The following FKBP9 variants were observed in gnomAD, a reference collection of about 807,000 sequenced individuals.
The protein encoded by FKBP9 is peptidyl-prolyl cis-trans isomerase FKBP9.
A neutral mutation model predicts 55.6 loss-of-function variants in FKBP9; 27 were observed. The observed-to-expected ratio is 0.49, with a 90% CI of 0.36 to 0.67. FKBP9 has a LOEUF of 0.67. Ranked by LOEUF, FKBP9 falls within the 30% of genes least tolerant of loss-of-function variation. The pLI is 0.00. For missense variants in FKBP9, 539 were observed against 742.8 expected (o/e 0.73, Z 3.19); for synonymous variants, 267 against 296.5 (o/e 0.90, Z 1.02).
intron 4 of FKBP9, among the ~76,000 whole-genome samples, chr7:32,978,275 C>T (rs6975093): frequency 0.92 from 138,688 of 151,546 alleles, 63,564 homozygotes; most frequent in Admixed American, 0.95. Flanking sequence ...TTAAACAGAG[C>T]ATTAGGGGTG....
Position 33,000,157 on chromosome 7 carries a change from G to T in FKBP9, c.1269G>T (p.Gly423=). The part of the protein sequence containing the change: ...GKTYNIVLGS[G]QVVLGMDMGL... ...CTTACAATATTGTTCTGGGATCTGG[G>T]CAAGTTGTGTTGGGGATGGACATGG... is the stretch of plus-strand genomic sequence containing the variant. Residue 423 remains glycine (G), a synonymous_variant, in exon 8 of 10, where the codon GGG becomes GGT. Transcript: ENST00000242209. 1 of 1,614,042 alleles carries T rather than the reference G, an allele frequency of 6.2e-7. No homozygotes were observed. Among genetic ancestry groups the T allele is most frequent in the South Asian group, 1.1e-5 (1 of 91,076 alleles).
At chr7:32,964,836 C>T (rs904472867) in intron 1 of FKBP9, among the ~76,000 whole-genome samples, 3 of 152,192 alleles carry the variant, frequency 2.0e-5, no homozygotes, top group South Asian at 2.1e-4. Flanking sequence ...CTCTGCCTCC[C>T]TGCTTTCAAG....
Position 32,958,137 on chromosome 7 carries a change from C to G in FKBP9, c.221+343C>G, listed in dbSNP as rs13437980. Among the ~76,000 whole-genome samples the G allele has an allele frequency of 1.4e-4, 21 of 152,158 alleles. No homozygotes were observed. The South Asian group carries it at 3.9e-3, about 29-fold the overall frequency. ...GAGGCCACGTTGCACAACTGGACCCCCAAGAGTGGATGTTCGTGCCTGCCT... is the reference window on the plus strand; with the variant it reads ...GAGGCCACGTTGCACAACTGGACCCGCAAGAGTGGATGTTCGTGCCTGCCT... On this transcript the variant is annotated intron_variant, in intron 1 of 9. Transcript: ENST00000242209.
Position 33,006,432 on chromosome 7 carries a change from C to T in FKBP9, c.*1081C>T, listed in dbSNP as rs1127607. On this transcript the variant is annotated 3_prime_UTR_variant, in exon 10 of 10. Coordinates refer to ENST00000242209, the MANE Select transcript of FKBP9 (RefSeq NM_007270.5). ...CCCAGCCACTTAGTTTTTTCTTATT[C>T]CCACCTTTCTATCCCATAGAACACT... 0.18 allele frequency: 36,421 copies of T among 203,856 alleles called. 3,944 individuals are homozygous for T. Among genetic ancestry groups the T allele is most frequent in the African/African-American group, 0.3 (12,939 of 43,658 alleles). 12.6% of individuals were successfully genotyped at this position (203,856 alleles called of 1,614,324 possible).
chr7:32,999,625 T>C (rs1344883519), intron 7 of FKBP9, among the ~76,000 whole-genome samples: 1 of 152,216 alleles, frequency 6.6e-6, no homozygotes, highest in East Asian at 1.9e-4. Flanking sequence ...GAGATAGCTA[T>C]ATTTGTTGTC....
chr7:32,993,847 T>C (rs764319410), intron 6 of FKBP9, among the ~76,000 whole-genome samples: 14 of 152,120 alleles, frequency 9.2e-5, no homozygotes, highest in Non-Finnish European at 1.6e-4. Flanking sequence ...TTCTGGCTAA[T>C]AAATTTCATT....
chr7:32,988,168 A>T (rs1202820842), intron 5 of FKBP9, among the ~76,000 whole-genome samples: 1 of 152,196 alleles, frequency 6.6e-6, no homozygotes, highest in Non-Finnish European at 1.5e-5. Context: ...TGGGTGACAG[A>T]GTGAGACCTT....
intron 1 of FKBP9, among the ~76,000 whole-genome samples, chr7:32,970,036 G>GT (rs537430761): frequency 2.0e-3 from 287 of 146,700 alleles, no homozygotes; most frequent in East Asian, 4.6e-3. Context: ...TTTTAGTTTA[G>GT]TTTTTTTTTT....
chr7:32,962,130 C>A (rs1784037830), intron 1 of FKBP9, among the ~76,000 whole-genome samples: 1 of 152,106 alleles, frequency 6.6e-6, no homozygotes, highest in South Asian at 2.1e-4. Context: ...GGCACGGTGG[C>A]TCATGCCTGT....
chr7:32,987,622 G>A (rs1462242867), intron 5 of FKBP9, among the ~76,000 whole-genome samples: 1 of 152,104 alleles, frequency 6.6e-6, no homozygotes, highest in African/African-American at 2.4e-5. Context: ...TTTCTGATAA[G>A]GGCTACGTTC....
chr7:32,997,402 G>T (rs1453046427), intron 7 of FKBP9, among the ~76,000 whole-genome samples: 1 of 135,600 alleles, frequency 7.4e-6, no homozygotes, highest in Non-Finnish European at 1.6e-5. Flanking sequence ...TTTTAGAGAT[G>T]GGGGGGGTCT....
intron 5 of FKBP9, 144 bp from the exon 6 acceptor site, chr7:32,988,363 G>A: frequency 1.3e-6 from 1 of 743,002 alleles, no homozygotes; most frequent in Non-Finnish European, 2.2e-6. Context: ...CATGTTTCCT[G>A]GCTGTGTCGT....
intron 7 of FKBP9, 62 bp from the exon 8 acceptor site, chr7:33,000,053 G>A: frequency 6.3e-7 from 1 of 1,593,046 alleles, no homozygotes; most frequent in Non-Finnish European, 8.6e-7. Flanking sequence ...TTCTTCTCAT[G>A]GGAACACTCT....
rs761363029 is a variant in FKBP9 at position 32,980,477 on chromosome 7, C to T, written c.817C>T (p.Arg273Trp). Residue 273 changes from arginine to tryptophan, a missense_variant, in exon 5 of 10, where the codon CGG becomes TGG. Physicochemically the swap from Arg to Trp is moderately radical, Grantham distance 101 (BLOSUM62 -3). Coordinates refer to ENST00000242209, the MANE Select transcript of FKBP9 (RefSeq NM_007270.5). The part of the protein sequence containing the change: ...ENKVVPENCE[R>W]ISQSGDFLRY... ...CAAGGTAGTACCTGAAAACTGTGAG[C>T]GGATAAGTCAAAGTGGGGACTTTCT... The T allele has an allele frequency of 7.4e-5, 120 of 1,613,624 alleles. No individual in the cohort carries two copies. The highest frequency in any genetic ancestry group is 1.6e-4 in the Middle Eastern group (1 of 6,078).
chr7:32,975,700 A>G (rs1583850436), intron 3 of FKBP9, among the ~76,000 whole-genome samples: 1 of 150,456 alleles, frequency 6.6e-6, no homozygotes, highest in East Asian at 2.0e-4. Flanking sequence ...AGGCTGGAGT[A>G]CAGTGGCACG....
chr7:32,995,083 G>C (rs1248453321), intron 6 of FKBP9: 1 of 151,730 alleles, frequency 6.6e-6, no homozygotes, highest in Non-Finnish European at 1.5e-5. Flanking sequence ...CAATCCTCCT[G>C]CCTCAACCTC....
At position 32,980,357 on chromosome 7, in the gene FKBP9, A is replaced by G. The variant is rs373021440; in HGVS notation, c.704-7A>G. 6.8e-6 allele frequency: 11 copies of G among 1,607,572 alleles called. No individual in the cohort carries two copies. Among genetic ancestry groups the G allele is most frequent in the Non-Finnish European group, 8.5e-6 (10 of 1,175,400 alleles). Reference sequence around the variant, plus strand: ...CCGTTTAATCATCTTCTCCCATTCCATTCTAGGGAAAGACATTCCCGGTCA... The same window carrying G: ...CCGTTTAATCATCTTCTCCCATTCCGTTCTAGGGAAAGACATTCCCGGTCA... On this transcript the variant is annotated splice_polypyrimidine_tract_variant and splice_region_variant and intron_variant, in intron 4 of 9. Coordinates refer to ENST00000242209, the MANE Select transcript of FKBP9 (RefSeq NM_007270.5).
intron 9 of FKBP9, among the ~76,000 whole-genome samples, chr7:33,003,944 A>C (rs943822244): frequency 6.6e-6 from 1 of 151,660 alleles, no homozygotes; most frequent in Non-Finnish European, 1.5e-5. Flanking sequence ...TGCCTGCTTG[A>C]TGTCCTCATT....
intron 1 of FKBP9, among the ~76,000 whole-genome samples, chr7:32,966,868 C>T (rs904140165): frequency 6.6e-6 from 1 of 152,180 alleles, no homozygotes; most frequent in Non-Finnish European, 1.5e-5. Flanking sequence ...TGAACTCATT[C>T]ATCACCGAGG....
Sources: gnomAD v4.1 joint callset for allele counts (sites outside exome capture counted in the v4.1 genomes callset) on GRCh38, gnomAD v4.1.1 for gene constraint, MANE v1.5 for transcripts, NCBI Gene and HGNC (gene_info 2026-07-23, HGNC 2026-07-21) for gene names.